Variants in RGSL1 observed in about 807,000 individuals in gnomAD.
RGSL1 encodes the protein regulator of G protein signaling protein-like.
Under a neutral mutation model 124.7 loss-of-function variants are expected in RGSL1, and 97 were observed. That is an observed-to-expected ratio of 0.78 (90% CI 0.66 to 0.92). The LOEUF (loss-of-function observed/expected upper bound fraction) is 0.92, where lower values mean the gene tolerates loss of function less well. RGSL1 is among the 40% of genes least tolerant of loss of function. RGSL1 has a pLI of 0.00. For synonymous variants in RGSL1, 424 were observed against 438.1 expected (o/e 0.97, Z 0.40); for missense variants, 1,233 against 1,288.4 (o/e 0.96, Z 0.66).
At chr1:182,552,779 G>C (rs1036856265) in intron 18 of RGSL1, among the ~76,000 whole-genome samples, 5 of 152,200 alleles carry the variant, frequency 3.3e-5, no homozygotes, top group African/African-American at 1.2e-4. Flanking sequence ...ATGGTGGAAG[G>C]CAGAAGGGCA....
chr1:182,450,273 G>T, intron 1 of RGSL1, 95 bp downstream of exon 1: 1 of 1,378,160 alleles, frequency 7.3e-7, no homozygotes, highest in South Asian at 1.2e-5. Flanking sequence ...GAGCCATTCA[G>T]GGGCACCATG....
intron 6 of RGSL1, among the ~76,000 whole-genome samples, chr1:182,479,809 G>A (rs1460141714): frequency 6.6e-6 from 1 of 152,044 alleles, no homozygotes; most frequent in Non-Finnish European, 1.5e-5. Flanking sequence ...TATGCAAGTG[G>A]TAACCCAAAA....
intron 10 of RGSL1, 113 bp downstream of exon 10, chr1:182,522,222 C>A: frequency 1.4e-6 from 1 of 715,932 alleles, no homozygotes; most frequent in East Asian, 2.8e-5. Context: ...GACCCTTTTC[C>A]ATATACAATA....
Position 182,540,283 on chromosome 1 carries a change from C to T in RGSL1, c.2531C>T (p.Ala844Val). Residue 844 changes from alanine to valine, a missense_variant, in exon 15 of 22, where the codon GCT becomes GTT. Coordinates refer to ENST00000294854, the MANE Select transcript of RGSL1 (RefSeq NM_001137669.2). ...GCACACAACACATCGGGACGTTCAG[C>T]TCCACCCTCCACAAATGTCCGGAGT... is the stretch of plus-strand genomic sequence containing the variant. ...TTAHNTSGRSAPPSTNVRSAD... is the reference protein window; with the variant it reads ...TTAHNTSGRSVPPSTNVRSAD... 1 of 1,551,408 alleles carries T rather than the reference C, an allele frequency of 6.4e-7. No homozygotes were observed. The highest frequency in any genetic ancestry group is 1.4e-5 in the African/African-American group (1 of 73,140).
At chr1:182,541,624 C>A (rs750311919) in intron 15 of RGSL1, among the ~76,000 whole-genome samples, 52 of 152,220 alleles carry the variant, frequency 3.4e-4, no homozygotes, top group Non-Finnish European at 6.3e-4. Context: ...CATGGTAGTT[C>A]TACTTTTAGC....
Position 182,522,063 on chromosome 1 carries a change from T to A in RGSL1, c.1885T>A (p.Ser629Thr). The change falls in exon 10 of 22, where the codon TCC becomes ACC. Residue 629 changes from serine (S) to threonine (T), a missense_variant. By Grantham distance (58) the Ser-to-Thr change is moderately conservative. Transcript: ENST00000294854. Reference protein sequence around the residue: ...KTVSRSNRKMSLLKRTLVRKP... With the variant: ...KTVSRSNRKMTLLKRTLVRKP... ...AGTTTCACGCTCAAATAGGAAAATG[T>A]CCTTGCTCAAAAGAACTCTTGTAAG... 6.5e-7 allele frequency: 1 copy of A among 1,549,992 alleles called. No homozygotes were observed. The highest frequency in any genetic ancestry group is 8.7e-7 in the Non-Finnish European group (1 of 1,146,504).
chr1:182,551,221 C>A lies in RGSL1; in HGVS notation c.3043+12C>A. The A allele has an allele frequency of 6.6e-7, 1 of 1,522,008 alleles. No individual in the cohort carries two copies. Among genetic ancestry groups the A allele is most frequent in the Non-Finnish European group, 8.9e-7 (1 of 1,121,092 alleles). The allele number at this position is 1,522,008 out of a possible 1,614,324, so 94.3% of individuals were successfully genotyped here. ...TTTCTCGAGTGGAGGTAAGCTCCACCACGACTCACAGCCCCATTCTCCAGC... is the reference window on the plus strand; with the variant it reads ...TTTCTCGAGTGGAGGTAAGCTCCACAACGACTCACAGCCCCATTCTCCAGC... On this transcript the variant is annotated intron_variant, in intron 18 of 21. Coordinates refer to ENST00000294854, the MANE Select transcript of RGSL1 (RefSeq NM_001137669.2).
chr1:182,521,951 C>A, intron 9 of RGSL1, 53 bp from the exon 10 acceptor site: 1 of 1,200,222 alleles, frequency 8.3e-7, no homozygotes, highest in South Asian at 1.4e-5. Context: ...CTAGTTTTTC[C>A]CTTTTCATTG....
Position 182,488,354 on chromosome 1 carries a change from A to G in RGSL1, c.1494+7A>G. The G allele has an allele frequency of 1.3e-6, 2 of 1,551,926 alleles. No homozygotes were observed. Among genetic ancestry groups the G allele is most frequent in the Non-Finnish European group, 1.7e-6 (2 of 1,146,732 alleles). On this transcript the variant is annotated splice_region_variant and intron_variant, in intron 7 of 21. Coordinates refer to ENST00000294854, the MANE Select transcript of RGSL1 (RefSeq NM_001137669.2). ...CTGGTTTCTCCTTTTTACGGTAGGA[A>G]GGACTTTGGGTTAGGAAGGAATCAT...
At chr1:182,519,756 C>G (rs912777538) in intron 9 of RGSL1, among the ~76,000 whole-genome samples, 1 of 151,650 alleles carries the variant, frequency 6.6e-6, no homozygotes, top group African/African-American at 2.4e-5. Flanking sequence ...TCATTTTTCC[C>G]CCTCTGTGTG....
At chr1:182,538,693 A>G (rs1208929322) in intron 14 of RGSL1, among the ~76,000 whole-genome samples, 1 of 152,154 alleles carries the variant, frequency 6.6e-6, no homozygotes, top group Non-Finnish European at 1.5e-5. Context: ...ACAAAAATTA[A>G]GGAGGCACTG....
rs1240753793 is a variant in RGSL1, at chr1:182,509,720, A to AC, written c.1826-12277dup. Among the ~76,000 whole-genome samples the AC allele has an allele frequency of 5.1e-5, 6 of 116,696 alleles. 1 individual carries two copies. Among genetic ancestry groups the AC allele is most frequent in the Admixed American group, 2.5e-4 (3 of 12,178 alleles). The allele number at this position is 116,696 out of a possible 152,430, so 76.6% of individuals were successfully genotyped here. ...GCACGGCTGGCCGGGCGGGGGGCTG[A>AC]CCCCCCCACCTCCCTCCCGGATGGC... On this transcript the variant is annotated intron_variant, in intron 9 of 21. Transcript: ENST00000294854.
chr1:182,447,956 A>T (rs1277558690), upstream of RGSL1: 1 of 150,396 alleles, frequency 6.6e-6, no homozygotes, highest in Non-Finnish European at 1.5e-5. Flanking sequence ...TCAGACCTAG[A>T]AGCTCTGAAA....
Position 182,548,362 on chromosome 1 carries a change from G to A in RGSL1, c.2715G>A (p.Arg905=), listed in dbSNP as rs1660349978. The A allele has an allele frequency of 6.4e-7, 1 of 1,551,842 alleles. No homozygotes were observed. The highest frequency in any genetic ancestry group is 1.4e-5 in the African/African-American group (1 of 73,028). Residue 905 remains arginine (R), a synonymous_variant, in exon 16 of 22, where the codon CGG becomes CGA. Transcript: ENST00000294854. ...CAGCCCACATGCTGCAGGTCAACCG[G>A]GCATATAATGAGAATGATGTGATCC... The part of the protein sequence containing the change: ...VSSAHMLQVN[R]AYNENDVILM...
At chr1:182,457,160 C>T (rs958036981) in intron 2 of RGSL1, among the ~76,000 whole-genome samples, 1 of 151,872 alleles carries the variant, frequency 6.6e-6, no homozygotes, top group South Asian at 2.1e-4. Context: ...AACAAACAAA[C>T]AAACAAAAAA....
chr1:182,548,567 C>T, intron 16 of RGSL1, 112 bp downstream of exon 16: 1 of 1,507,452 alleles, frequency 6.6e-7, no homozygotes. Context: ...AACTACATAT[C>T]CTTTACCTAG....
intron 14 of RGSL1, among the ~76,000 whole-genome samples, chr1:182,538,704 A>T (rs1659702611): frequency 6.6e-6 from 1 of 152,158 alleles, no homozygotes; most frequent in Non-Finnish European, 1.5e-5. Flanking sequence ...GGAGGCACTG[A>T]CTGTCAGGCT....
rs765930982 is a variant in RGSL1 at position 182,458,438 on chromosome 1, A to G, written c.171+45A>G. ...GGTAGAGAGTTTAGGGTGGAGAATG[A>G]GGGAACTATAATTGTTTTTTGTTGT... is the stretch of plus-strand genomic sequence containing the variant. On this transcript the variant is annotated intron_variant, in intron 3 of 21. Coordinates refer to ENST00000294854, the MANE Select transcript of RGSL1 (RefSeq NM_001137669.2). The G allele has an allele frequency of 1.8e-5, 25 of 1,400,396 alleles. No individual in the cohort carries two copies. In the African/African-American group the frequency reaches 3.5e-4, roughly 19 times the overall value. The allele number at this position is 1,400,396 out of a possible 1,614,324, so 86.7% of individuals were successfully genotyped here. A position where few individuals can be genotyped will look rare whatever the true frequency, so the allele number is the denominator to read the frequency against.
chr1:182,532,196 G>A (rs1359332027), intron 13 of RGSL1, among the ~76,000 whole-genome samples: 2 of 152,176 alleles, frequency 1.3e-5, no homozygotes, highest in African/African-American at 4.8e-5. Context: ...GTATGTGTGT[G>A]TGTGTGTAGG....
Sources: gnomAD v4.1 joint callset for allele counts (sites outside exome capture counted in the v4.1 genomes callset) on GRCh38, gnomAD v4.1.1 for gene constraint, MANE v1.5 for transcripts, NCBI Gene and HGNC (gene_info 2026-07-23, HGNC 2026-07-21) for gene names.